The following ASPH variants were observed in gnomAD, a reference collection of about 807,000 sequenced individuals.
The protein encoded by ASPH is aspartyl/asparaginyl beta-hydroxylase.
A neutral mutation model predicts 118.4 loss-of-function variants in ASPH; 100 were observed. The observed-to-expected ratio is 0.84, with a 90% CI of 0.72 to 1.00. ASPH has a LOEUF of 1.00. Ranked by LOEUF, ASPH falls within the 50% of genes least tolerant of loss-of-function variation. The pLI, the probability that ASPH is intolerant of heterozygous loss-of-function variation, is 0.00. For synonymous variants in ASPH, 315 were observed against 325.6 expected (o/e 0.97, Z 0.35); for missense variants, 920 against 919.5 (o/e 1.00, Z -0.01).
chr8:61,563,058 A>G (rs1229011593), intron 17 of ASPH, among the ~76,000 whole-genome samples, 178 bp from the exon 18 acceptor site: 1 of 152,184 alleles, frequency 6.6e-6, no homozygotes, highest in Non-Finnish European at 1.5e-5. Context: ...CAATGGTATT[A>G]ATAACTGCCA....
chr8:61,644,556 G>T, intron 7 of ASPH, 44 bp downstream of exon 7: 2 of 1,448,664 alleles, frequency 1.4e-6, no homozygotes, highest in Non-Finnish European at 1.9e-6. Flanking sequence ...CCTTTTAAAG[G>T]AAGACTCACT....
chr8:61,612,476 TG>T (rs1040048069), intron 14 of ASPH, among the ~76,000 whole-genome samples: 3 of 151,754 alleles, frequency 2.0e-5, no homozygotes, highest in Non-Finnish European at 4.4e-5. Flanking sequence ...GGAGCTCAAG[TG>T]ATCCTCCCAC....
At chr8:61,526,171 A>G in intron 21 of ASPH, 59 bp from the exon 22 acceptor site, 1 of 1,594,388 alleles carries the variant, frequency 6.3e-7, no homozygotes, top group Non-Finnish European at 8.5e-7. Context: ...GCACCTCATA[A>G]TGACTCTTGT....
At position 61,503,284 on chromosome 8, in the gene ASPH, T is replaced by G. The variant is rs1171248973; in HGVS notation, c.*75A>C. On this transcript the variant is annotated 3_prime_UTR_variant, in exon 25 of 25. Coordinates refer to ENST00000379454, the MANE Select transcript of ASPH (RefSeq NM_004318.4). ...AATTGACTCTTGGTGTTCGAAATTCTATCCTCACACCCAAGGAGATGGAAC... is the reference window on the plus strand; with the variant it reads ...AATTGACTCTTGGTGTTCGAAATTCGATCCTCACACCCAAGGAGATGGAAC... The G allele has an allele frequency of 1.3e-5, 20 of 1,489,158 alleles. No individual in the cohort carries two copies. The highest frequency in any genetic ancestry group is 2.8e-5 in the African/African-American group (2 of 71,154). 92.2% of individuals were successfully genotyped at this position (1,489,158 alleles called of 1,614,324 possible).
intron 14 of ASPH, among the ~76,000 whole-genome samples, chr8:61,616,613 C>A (rs1346302825): frequency 6.6e-6 from 1 of 152,204 alleles, no homozygotes; most frequent in East Asian, 1.9e-4. Flanking sequence ...TAGTCTTTGA[C>A]TTTCTCTAAC....
Position 61,638,365 on chromosome 8 carries a change from T to TG in ASPH, c.791-3_791-2insC, listed in dbSNP as rs545836309. On this transcript the variant is annotated splice_region_variant and splice_polypyrimidine_tract_variant and intron_variant, in intron 10 of 24. Transcript: ENST00000379454. ...CATTTTCTAGAGGTTCATATACTGC[T>TG]AAAAAAAAAAAAACAGAAACAAAAT... 7.1e-4 allele frequency: 945 copies of TG among 1,339,122 alleles called. No individual in the cohort carries two copies. The highest frequency in any genetic ancestry group is 8.9e-4 in the Non-Finnish European group (867 of 979,126). 83.0% of individuals were successfully genotyped at this position (1,339,122 alleles called of 1,614,324 possible). A position where few individuals can be genotyped will look rare whatever the true frequency, so the allele number is the denominator to read the frequency against.
At chr8:61,528,016 G>C (rs1342285942) in intron 21 of ASPH, among the ~76,000 whole-genome samples, 1 of 152,130 alleles carries the variant, frequency 6.6e-6, no homozygotes, top group Admixed American at 6.5e-5. Context: ...TTTAACTTTT[G>C]AGCCAGAGGG....
chr8:61,713,136 T>G (rs182851297), intron 1 of ASPH, among the ~76,000 whole-genome samples: 2 of 152,354 alleles, frequency 1.3e-5, no homozygotes, highest in East Asian at 3.9e-4. Context: ...ACATCTTTAC[T>G]TTTAGAATAC....
At chr8:61,589,769 G>A (rs140366657) in intron 14 of ASPH, among the ~76,000 whole-genome samples, 34 of 152,306 alleles carry the variant, frequency 2.2e-4, no homozygotes, top group Non-Finnish European at 4.0e-4. Context: ...CAAAAATTGT[G>A]TGAGGTTCTC....
chr8:61,579,074 G>C, intron 15 of ASPH: 1 of 1,610,834 alleles, frequency 6.2e-7, no homozygotes. Flanking sequence ...ACCAGATCAA[G>C]TATGAGGAGC....
intron 17 of ASPH, among the ~76,000 whole-genome samples, chr8:61,566,442 A>G (rs1414292806): frequency 6.6e-6 from 1 of 152,238 alleles, no homozygotes; most frequent in Non-Finnish European, 1.5e-5. Flanking sequence ...CTCCTGGTGA[A>G]GATGCAGTGA....
chr8:61,631,633 G>C (rs533959343), intron 13 of ASPH: 1 of 152,200 alleles, frequency 6.6e-6, no homozygotes, highest in Non-Finnish European at 1.5e-5. Context: ...TTGTCATTAA[G>C]TGACACATGA....
At chr8:61,642,857 G>GAAAAAAAAAAAAAAAAAAAAAAAAAAA (rs564151536) in intron 10 of ASPH, 31 bp downstream of exon 10, 5 of 1,059,266 alleles carry the variant, frequency 4.7e-6, no homozygotes, top group South Asian at 1.8e-5. Flanking sequence ...AAAAAAAAAA[G>GAAAAAAAAAAAAAAAAAAAAAAAAAAA]AAAAAAAAAA....
intron 1 of ASPH, among the ~76,000 whole-genome samples, chr8:61,685,911 G>A (rs568084877): frequency 5.3e-5 from 8 of 151,950 alleles, no homozygotes; most frequent in African/African-American, 1.9e-4. Flanking sequence ...TGGGATTACA[G>A]GCACCTGCCA....
rs1382235824 is a variant in ASPH, at chr8:61,567,458, A to AT, written c.1150-141dup. 70 of 927,584 alleles carry AT rather than the reference A, an allele frequency of 7.5e-5. No individual in the cohort carries two copies. In the South Asian group the frequency reaches 1.3e-3, roughly 17 times the overall value. The allele number at this position is 927,584 out of a possible 1,614,324, so 57.5% of individuals were successfully genotyped here. A position where few individuals can be genotyped will look rare whatever the true frequency, so the allele number is the denominator to read the frequency against. ...GTTAGCCTTTTCTCCTTATCAAGAG[A>AT]TAAAAAAAACTAACAAAAGATAGAA... is the stretch of plus-strand genomic sequence containing the variant. On this transcript the variant is annotated intron_variant, in intron 16 of 24. Coordinates refer to ENST00000379454, the MANE Select transcript of ASPH (RefSeq NM_004318.4).
intron 1 of ASPH, among the ~76,000 whole-genome samples, chr8:61,694,510 G>A (rs891087309): frequency 1.3e-5 from 2 of 152,026 alleles, no homozygotes; most frequent in Admixed American, 6.6e-5. Flanking sequence ...TAAACCCAAC[G>A]CAAAACTTTC....
intron 21 of ASPH, among the ~76,000 whole-genome samples, chr8:61,539,707 T>TGTGTGTGTGTGTGTGA (rs1402870736): frequency 1.2e-5 from 1 of 84,930 alleles, no homozygotes; most frequent in Admixed American, 1.2e-4. Flanking sequence ...GGGGTGTGTG[T>TGTGTGTGTGTGTGTGA]GTGTGTGTGT....
intron 13 of ASPH, among the ~76,000 whole-genome samples, chr8:61,630,306 T>C (rs1180205887): frequency 6.6e-6 from 1 of 152,084 alleles, no homozygotes; most frequent in Non-Finnish European, 1.5e-5. Flanking sequence ...TAAAAGAATT[T>C]TAAAGATTGA....
chr8:61,640,740 A>C (rs1348402232), intron 10 of ASPH, among the ~76,000 whole-genome samples: 1 of 152,250 alleles, frequency 6.6e-6, no homozygotes, highest in East Asian at 1.9e-4. Flanking sequence ...CCTGTGTTTC[A>C]GACCGAAGAC....
Sources: gnomAD v4.1 joint callset for allele counts (sites outside exome capture counted in the v4.1 genomes callset) on GRCh38, gnomAD v4.1.1 for gene constraint, MANE v1.5 for transcripts, NCBI Gene and HGNC (gene_info 2026-07-23, HGNC 2026-07-21) for gene names.